The following POLR2C variants were observed in gnomAD, a reference collection of about 807,000 sequenced individuals.
The protein encoded by POLR2C is RNA polymerase II subunit C.
In POLR2C, 36 loss-of-function variants were observed where a neutral mutation model predicts 41.7. The ratio of observed to expected loss-of-function variants is 0.86; its 90% confidence interval spans 0.66 to 1.14. The LOEUF (loss-of-function observed/expected upper bound fraction) is 1.14. Among genes scored for constraint, POLR2C ranks in the 50% most tolerant of loss-of-function variants. POLR2C has a pLI of 0.00. For synonymous variants in POLR2C, 133 were observed against 137.8 expected (o/e 0.96, Z 0.25); for missense variants, 260 against 350.4 (o/e 0.74, Z 2.06).
Position 57,462,763 on chromosome 16 carries a change from G to T in POLR2C, c.39G>T (p.Glu13Asp), listed in dbSNP as rs752554244. The T allele has an allele frequency of 6.2e-7, 1 of 1,609,010 alleles. No homozygotes were observed. Among genetic ancestry groups the T allele is most frequent in the Admixed American group, 1.7e-5 (1 of 59,582 alleles). The change falls in exon 1 of 9, where the codon GAG (glutamate) becomes GAT (aspartate). Residue 13 changes from glutamate to aspartate, a missense_variant. By Grantham distance (45) the Glu-to-Asp change is conservative. Transcript: ENST00000219252. ...YANQPTVRITELTDENVKFII... is the reference protein window; with the variant it reads ...YANQPTVRITDLTDENVKFII... ...ACCAGCCTACCGTGCGGATCACGGA[G>T]CTCACTGACGAGAATGTCAAGTTCA... is the stretch of plus-strand genomic sequence containing the variant.
intron 1 of POLR2C, 80 bp from the exon 2 acceptor site, chr16:57,462,932 CCCCCTGCACCAGGGCTT>C: frequency 8.4e-7 from 1 of 1,190,554 alleles, no homozygotes; most frequent in Non-Finnish European, 1.2e-6. Flanking sequence ...CCAGAGCTGC[CCCCCTGCACCAGGGCTT>C]TAGCTTTGGG....
intron 2 of POLR2C, chr16:57,465,689 T>G: frequency 2.4e-6 from 1 of 414,318 alleles, no homozygotes; most frequent in Admixed American, 4.3e-5. Context: ...TAAACATGTT[T>G]CCACTTCTAT....
At chr16:57,463,149 G>A (rs570240363) in intron 2 of POLR2C, 71 bp downstream of exon 2, 37 of 1,226,674 alleles carry the variant, frequency 3.0e-5, no homozygotes, top group Non-Finnish European at 4.2e-5. Context: ...ACACTCTTTG[G>A]GGCTCCTTCC....
chr16:57,469,997 T>A lies in POLR2C; in HGVS notation c.476T>A (p.Leu159Gln). 3 of 1,614,074 alleles carry A rather than the reference T, an allele frequency of 1.9e-6. No homozygotes were observed. Among genetic ancestry groups the A allele is most frequent in the Non-Finnish European group, 2.5e-6 (3 of 1,180,012 alleles). ...GTCAAGTTGAGAAAGGGCCAGGAGC[T>A]GAGACTTCGAGCCTATGCCAAAAAG... is the stretch of plus-strand genomic sequence containing the variant. The part of the protein sequence containing the change: ...LIVKLRKGQE[L>Q]RLRAYAKKGF... The change falls in exon 7 of 9, where the codon CTG becomes CAG. Residue 159 changes from leucine (L) to glutamine (Q), a missense_variant. Physicochemically the swap from Leu to Gln is moderately radical, Grantham distance 113 (BLOSUM62 -2). Transcript: ENST00000219252. This position sits in a 1 kb window ranked among gnomAD's most constrained non-coding sequence, Gnocchi z 5.8.
intron 4 of POLR2C, 86 bp downstream of exon 4, chr16:57,466,313 C>T (rs1263663824): frequency 1.2e-6 from 1 of 856,420 alleles, no homozygotes; most frequent in Non-Finnish European, 1.9e-6. Flanking sequence ...TGGCATCCAG[C>T]TTGAATACTG....
chr16:57,469,312 C>G lies in POLR2C; in HGVS notation c.387+19C>G. On this transcript the variant is annotated intron_variant, in intron 5 of 8. Transcript: ENST00000219252. This position sits in a 1 kb window ranked among gnomAD's most constrained non-coding sequence, Gnocchi z 5.8. ...CATTCCGGTCAGTGCGGGAGAGCAT[C>G]CTCTTTTCCCTGGGATCTTTTCTCT... 6.2e-7 allele frequency: 1 copy of G among 1,611,832 alleles called. No individual in the cohort carries two copies. The highest frequency in any genetic ancestry group is 8.5e-7 in the Non-Finnish European group (1 of 1,179,636).
intron 2 of POLR2C, chr16:57,465,716 G>T: frequency 2.0e-6 from 1 of 506,480 alleles, no homozygotes; most frequent in Non-Finnish European, 3.5e-6. Flanking sequence ...CTATAAGTCA[G>T]TGTTTTCTGT....
At chr16:57,463,567 T>C in intron 2 of POLR2C, 1 of 428,822 alleles carries the variant, frequency 2.3e-6, no homozygotes, top group Non-Finnish European at 4.7e-6. Flanking sequence ...TAGTCACCAG[T>C]GTGTTTATTG....
chr16:57,464,483 A>G (rs2030655365), intron 2 of POLR2C, among the ~76,000 whole-genome samples: 1 of 152,216 alleles, frequency 6.6e-6, no homozygotes, highest in Admixed American at 6.5e-5. Flanking sequence ...TGCTTAATGC[A>G]TTGATTATAC....
chr16:57,465,929 A>G (rs223839), intron 2 of POLR2C, 24 bp from the exon 3 acceptor site: 816,351 of 1,495,118 alleles, frequency 0.55, 226,056 homozygotes, highest in Non-Finnish European at 0.57. Context: ...GCTAAACTCC[A>G]TGTCTGCTTC....
At chr16:57,468,606 A>C (rs1177113818) in intron 4 of POLR2C, among the ~76,000 whole-genome samples, 9 of 152,198 alleles carry the variant, frequency 5.9e-5, no homozygotes, top group African/African-American at 2.2e-4. Context: ...ATAATTATGG[A>C]AGGTGGTTGA....
intron 2 of POLR2C, 179 bp from the exon 3 acceptor site, chr16:57,465,774 G>T (rs1003684258): frequency 5.1e-6 from 3 of 587,084 alleles, no homozygotes; most frequent in Admixed American, 3.1e-5. Flanking sequence ...GGGAGGTGAG[G>T]TGTGGTGTGT....
rs527773487 is a variant in POLR2C, at chr16:57,467,381, G to A, written c.258+1154G>A. 3.9e-5 allele frequency among the ~76,000 whole-genome samples: 6 copies of A among 152,266 alleles called. No individual in the cohort carries two copies. The South Asian group carries it at 1.2e-3, about 32-fold the overall frequency. On this transcript the variant is annotated intron_variant, in intron 4 of 8. Transcript: ENST00000219252. ...TTTGTTTTTTAATAAATAAAACATA[G>A]ATATTGGTGGGGACCGTTGTACAAC... is the stretch of plus-strand genomic sequence containing the variant.
chr16:57,462,705 G>T lies in POLR2C; in HGVS notation c.-20G>T, dbSNP rs749936268. On this transcript the variant is annotated 5_prime_UTR_variant, in exon 1 of 9. Transcript: ENST00000219252. ...CAGTCACCGCGGAGCAGACGCGGAG[G>T]CTGGTGGCCCCTGGGCGAGATGCCG... 12 of 1,572,628 alleles carry T rather than the reference G, an allele frequency of 7.6e-6. No homozygotes were observed. Among genetic ancestry groups the T allele is most frequent in the African/African-American group, 1.4e-5 (1 of 72,894 alleles).
chr16:57,470,889 C>A, intron 8 of POLR2C, 86 bp from the exon 9 acceptor site: 1 of 1,358,084 alleles, frequency 7.4e-7, no homozygotes, highest in Non-Finnish European at 1.0e-6. Flanking sequence ...AGAGCCAAGA[C>A]CCGGAAGGAG....
At position 57,469,637 on chromosome 16, in the gene POLR2C, G is replaced by A; in HGVS notation, c.388-73G>A. 1 of 1,257,044 alleles carries A rather than the reference G, an allele frequency of 8.0e-7. No individual in the cohort carries two copies. The highest frequency in any genetic ancestry group is 1.2e-5 in the South Asian group (1 of 83,254). 77.9% of individuals were successfully genotyped at this position (1,257,044 alleles called of 1,614,324 possible). A position where few individuals can be genotyped will look rare whatever the true frequency, so the allele number is the denominator to read the frequency against. Reference sequence around the variant, plus strand: ...GGTTGACAGATTGCAGTCTAGAGGTGCTGGGATATGGATGCCAGAGGAGGT... The same window carrying A: ...GGTTGACAGATTGCAGTCTAGAGGTACTGGGATATGGATGCCAGAGGAGGT... On this transcript the variant is annotated intron_variant, in intron 5 of 8. Transcript: ENST00000219252. The surrounding 1 kb of genome is among the most constrained non-coding windows in gnomAD (Gnocchi z 5.8).
At chr16:57,465,806 G>C (rs1274046560) in intron 2 of POLR2C, 147 bp from the exon 3 acceptor site, 1 of 642,534 alleles carries the variant, frequency 1.6e-6, no homozygotes, top group African/African-American at 1.8e-5. Flanking sequence ...TAAAATGCAA[G>C]TACCTGGGCC....
At chr16:57,465,179 T>G (rs1297948128) in intron 2 of POLR2C, among the ~76,000 whole-genome samples, 4 of 152,100 alleles carry the variant, frequency 2.6e-5, no homozygotes, top group African/African-American at 7.2e-5. Context: ...TCAGTTGGCT[T>G]GGACTGGGGA....
intron 2 of POLR2C, chr16:57,463,618 C>G (rs1354526279): frequency 8.8e-6 from 4 of 453,678 alleles, no homozygotes; most frequent in African/African-American, 6.0e-5. Flanking sequence ...AGCTCCCATG[C>G]GGTGTTTGGT....
Sources: allele counts gnomAD v4.1 joint callset (sites outside exome capture counted in the v4.1 genomes callset), GRCh38; gene constraint gnomAD v4.1.1; non-coding constraint Gnocchi (gnomAD v3.1); transcripts MANE v1.5; gene names NCBI Gene and HGNC (gene_info 2026-07-23, HGNC 2026-07-21).